PARD3B: variants seen among roughly 807,000 people sequenced by gnomAD.
PARD3B encodes par-3 family cell polarity regulator beta.
Under a neutral mutation model 130.2 loss-of-function variants are expected in PARD3B, and 103 were observed. That is an observed-to-expected ratio of 0.79 (90% CI 0.67 to 0.93). The LOEUF is 0.93. Among genes scored for constraint, PARD3B ranks in the 40% least tolerant of loss-of-function variants. The pLI is 0.00. For missense variants in PARD3B, 1,609 were observed against 1,499.2 expected, an observed-to-expected ratio of 1.07 and a Z score of -1.21; for synonymous variants, 583 against 553.2, an observed-to-expected ratio of 1.05 and a Z score of -0.76.
At chr2:204,589,982 C>T (rs919426549) in intron 1 of PARD3B, among the ~76,000 whole-genome samples, 40 of 152,160 alleles carry the variant, frequency 2.6e-4, no homozygotes. Context: ...AAGCAAATCC[C>T]TTCCTCCCTT....
chr2:204,658,916 C>T (rs1309591285), intron 1 of PARD3B, among the ~76,000 whole-genome samples: 1 of 152,154 alleles, frequency 6.6e-6, no homozygotes. Flanking sequence ...TCGTTGCAGA[C>T]ATTTAAAAGC....
At chr2:205,188,346 ATT>A (rs573998866) in intron 14 of PARD3B, among the ~76,000 whole-genome samples, 2 of 152,154 alleles carry the variant, frequency 1.3e-5, no homozygotes, top group South Asian at 4.1e-4. Context: ...TGGGAAGGGC[ATT>A]GTCTGTCCTG....
intron 16 of PARD3B, chr2:205,293,718 T>A (rs998953875): frequency 3.9e-5 from 6 of 152,228 alleles, no homozygotes; most frequent in African/African-American, 1.4e-4. Flanking sequence ...AAGCTGTATG[T>A]GGGCTTTGAG....
chr2:204,731,017 C>CAGAG (rs1304260782), intron 2 of PARD3B, among the ~76,000 whole-genome samples: 1 of 152,108 alleles, frequency 6.6e-6, no homozygotes, highest in Non-Finnish European at 1.5e-5. Context: ...TAGCAGGAGG[C>CAGAG]AGAGAAATTA....
intron 20 of PARD3B, among the ~76,000 whole-genome samples, chr2:205,455,927 T>C (rs151045378): frequency 6.6e-6 from 1 of 152,196 alleles, no homozygotes; most frequent in East Asian, 1.9e-4. Context: ...TCCCTCATAC[T>C]ACTCCTTTAC....
chr2:205,500,218 C>T (rs371064106), intron 21 of PARD3B, among the ~76,000 whole-genome samples, 187 bp downstream of exon 21: 5 of 152,096 alleles, frequency 3.3e-5, no homozygotes, highest in East Asian at 1.9e-4. Context: ...AATCAAACGC[C>T]GTGAACGTGC....
At chr2:204,828,380 G>A (rs1321167322) in intron 2 of PARD3B, among the ~76,000 whole-genome samples, 2 of 152,240 alleles carry the variant, frequency 1.3e-5, no homozygotes, top group South Asian at 2.1e-4. Context: ...CTCTGCTCCA[G>A]TGATTCTCAA....
At chr2:205,339,527 A>G (rs1325189625) in intron 18 of PARD3B, among the ~76,000 whole-genome samples, 1 of 152,206 alleles carries the variant, frequency 6.6e-6, no homozygotes, top group South Asian at 2.1e-4. Context: ...GAATTTGACA[A>G]TTGGTTTTAA....
Position 205,121,519 on chromosome 2 carries a change from C to A in PARD3B, c.807-72C>A. The A allele has an allele frequency of 1.5e-6, 2 of 1,345,434 alleles. No homozygotes were observed. Among genetic ancestry groups the A allele is most frequent in the African/African-American group, 1.5e-5 (1 of 68,934 alleles). 83.3% of individuals were successfully genotyped at this position (1,345,434 alleles called of 1,614,324 possible). A position where few individuals can be genotyped will look rare whatever the true frequency, so the allele number is the denominator to read the frequency against. On this transcript the variant is annotated intron_variant, in intron 7 of 22. Transcript: ENST00000406610. The surrounding 1 kb of genome is among the most constrained non-coding windows in gnomAD (Gnocchi z 5.0). Reference sequence around the variant, plus strand: ...CCACTGTGCTGCTCTTGGTTGCCATCCTCCTGGGGTACTTTAGAAGATGCT... The same window carrying A: ...CCACTGTGCTGCTCTTGGTTGCCATACTCCTGGGGTACTTTAGAAGATGCT...
chr2:204,727,392 G>A (rs182508860), intron 2 of PARD3B, among the ~76,000 whole-genome samples: 2 of 152,260 alleles, frequency 1.3e-5, no homozygotes, highest in African/African-American at 2.4e-5. Context: ...ACTACATGTC[G>A]ATGTCTAGTT....
chr2:205,104,538 A>ATTCT, intron 5 of PARD3B, 24 bp downstream of exon 5: 2 of 1,356,240 alleles, frequency 1.5e-6, no homozygotes, highest in Non-Finnish European at 2.1e-6. Flanking sequence ...ACAGATAAGA[A>ATTCT]TATCTGATTT....
intron 15 of PARD3B, among the ~76,000 whole-genome samples, chr2:205,236,132 T>G (rs551731284): frequency 7.9e-5 from 12 of 152,342 alleles, no homozygotes; most frequent in African/African-American, 2.9e-4. Context: ...CAAATGATCA[T>G]ATTCATGCAA....
intron 16 of PARD3B, among the ~76,000 whole-genome samples, chr2:205,252,751 TA>T (rs2125931983): frequency 6.6e-6 from 1 of 150,910 alleles, no homozygotes; most frequent in Admixed American, 6.6e-5. Flanking sequence ...TTTTATCCTG[TA>T]GGCTCAGATA....
At chr2:204,785,259 C>G (rs575547946) in intron 2 of PARD3B, among the ~76,000 whole-genome samples, 1 of 152,302 alleles carries the variant, frequency 6.6e-6, no homozygotes, top group South Asian at 2.1e-4. Flanking sequence ...TGAAACTTCT[C>G]TAACCTACCT....
chr2:204,657,701 T>A (rs1287258829), intron 1 of PARD3B, among the ~76,000 whole-genome samples: 1 of 152,136 alleles, frequency 6.6e-6, no homozygotes, highest in Non-Finnish European at 1.5e-5. Flanking sequence ...CACATACCTA[T>A]GAATATTTGA....
intron 18 of PARD3B, among the ~76,000 whole-genome samples, chr2:205,320,061 G>T (rs1045809144): frequency 5.3e-5 from 8 of 152,022 alleles, no homozygotes; most frequent in East Asian, 1.9e-4. Context: ...AGCTACTTGG[G>T]AGGCTGAGGC....
intron 2 of PARD3B, among the ~76,000 whole-genome samples, chr2:204,918,842 A>G (rs1304767564): frequency 6.6e-6 from 1 of 150,544 alleles, no homozygotes; most frequent in Non-Finnish European, 1.5e-5. Context: ...ATCTAGTCCC[A>G]AGTACTTGAT....
rs184045225 is a variant in PARD3B, at chr2:204,579,446, C to T, written c.120+33327C>T. 1.3e-3 allele frequency among the ~76,000 whole-genome samples: 204 copies of T among 152,088 alleles called. 2 individuals carry two copies. Among genetic ancestry groups the T allele is most frequent in the Non-Finnish European group, 6.5e-4 (44 of 68,018 alleles). On this transcript the variant is annotated intron_variant, in intron 1 of 22. Coordinates refer to ENST00000406610, the MANE Select transcript of PARD3B (RefSeq NM_001302769.2). ...CCGTGCTGTGACTGGATGAACACAA[C>T]CCTGGGAACAATGCCTTTGGCACAG...
At chr2:205,312,627 A>G (rs1252365705) in intron 18 of PARD3B, among the ~76,000 whole-genome samples, 2 of 152,218 alleles carry the variant, frequency 1.3e-5, no homozygotes, top group Admixed American at 6.5e-5. Context: ...GTTAGGCTCA[A>G]TTTTTATCTC....
Sources: allele counts gnomAD v4.1 joint callset (sites outside exome capture counted in the v4.1 genomes callset), GRCh38; gene constraint gnomAD v4.1.1; non-coding constraint Gnocchi (gnomAD v3.1); transcripts MANE v1.5; gene names NCBI Gene and HGNC (gene_info 2026-07-23, HGNC 2026-07-21).